Variants in SLFN5 observed in about 807,000 individuals in gnomAD.
SLFN5 encodes schlafen family member 5.
Under a neutral mutation model 48.5 loss-of-function variants are expected in SLFN5, and 34 were observed. The observed-to-expected ratio is 0.70, with a 90% CI of 0.53 to 0.93. The LOEUF (loss-of-function observed/expected upper bound fraction) is 0.93, where lower values mean the gene tolerates loss of function less well. Among genes scored for constraint, SLFN5 ranks in the 40% least tolerant of loss-of-function variants. The probability of loss-of-function intolerance (pLI) is 0.00; values close to 1 mark genes in which losing one functional copy is unlikely to be tolerated. For synonymous variants in SLFN5, 387 were observed against 396.2 expected (o/e 0.98, Z 0.28); for missense variants, 1,006 against 1,071.3 (o/e 0.94, Z 0.85).
At chr17:35,264,049 CTTTT>C (rs755437898) in intron 3 of SLFN5, 130 bp from the exon 4 acceptor site, 132 of 1,098,056 alleles carry the variant, frequency 1.2e-4, no homozygotes, top group Non-Finnish European at 1.6e-4. Flanking sequence ...AATTGTTTAT[CTTTT>C]TATTACTAAT....
At chr17:35,260,883 G>C in intron 2 of SLFN5, 88 bp from the exon 3 acceptor site, 1 of 1,510,714 alleles carries the variant, frequency 6.6e-7, no homozygotes, top group Non-Finnish European at 8.9e-7. Context: ...TGAGTTGTAA[G>C]ACTAGGTGAA....
chr17:35,259,950 C>T, intron 2 of SLFN5: 1 of 479,598 alleles, frequency 2.1e-6, no homozygotes, highest in Non-Finnish European at 3.7e-6. Flanking sequence ...AAGGCTGGTG[C>T]AGGGGGCTGT....
intron 1 of SLFN5, among the ~76,000 whole-genome samples, chr17:35,249,646 G>A (rs1214828083): frequency 1.3e-5 from 2 of 152,114 alleles, no homozygotes. Flanking sequence ...TGTAGCCCTT[G>A]GTCCCTGACT....
chr17:35,263,548 T>A (rs569130618), intron 3 of SLFN5, among the ~76,000 whole-genome samples: 1 of 152,072 alleles, frequency 6.6e-6, no homozygotes, highest in South Asian at 2.1e-4. Context: ...CAGGGCTGGG[T>A]GCGGTGACGC....
intron 1 of SLFN5, among the ~76,000 whole-genome samples, chr17:35,254,047 A>G (rs1410789903): frequency 1.3e-5 from 2 of 152,056 alleles, no homozygotes; most frequent in South Asian, 2.1e-4. Context: ...CAATACAACT[A>G]TATCTTATAT....
In SLFN5 at chr17:35,264,231, T is replaced by C; in HGVS notation, c.1187T>C (p.Leu396Pro). The C allele has an allele frequency of 6.2e-7, 1 of 1,613,842 alleles. No homozygotes were observed. The highest frequency in any genetic ancestry group is 8.5e-7 in the Non-Finnish European group (1 of 1,179,952). ...VYTPESLYKE[L>P]FSQHKGLRDL... The stretch of plus-strand genomic sequence containing the variant: ...ACTCCAGAAAGCCTCTACAAGGAAC[T>C]CTTCTCACAACATAAAGGACTCAGA... The change falls in exon 4 of 5, where the codon CTC becomes CCC. Residue 396 changes from leucine to proline, a missense_variant. Physicochemically the swap from Leu to Pro is moderately conservative, Grantham distance 98. Coordinates refer to ENST00000299977, the MANE Select transcript of SLFN5 (RefSeq NM_144975.4).
intron 1 of SLFN5, among the ~76,000 whole-genome samples, chr17:35,247,867 A>G (rs1006157182): frequency 6.6e-6 from 1 of 152,238 alleles, no homozygotes; most frequent in Admixed American, 6.5e-5. Context: ...GTGGGTCACC[A>G]ATAAAACCAG....
intron 1 of SLFN5, among the ~76,000 whole-genome samples, chr17:35,247,087 A>G (rs943116429): frequency 2.6e-5 from 4 of 152,168 alleles, no homozygotes; most frequent in Non-Finnish European, 5.9e-5. Flanking sequence ...GTTGACTGGT[A>G]GTGGTCAGGA....
At chr17:35,246,530 T>G (rs1273038196) in intron 1 of SLFN5, among the ~76,000 whole-genome samples, 1 of 152,166 alleles carries the variant, frequency 6.6e-6, no homozygotes, top group Non-Finnish European at 1.5e-5. Context: ...GGAGAAGTTC[T>G]TAAAGTCCAA....
In SLFN5 at chr17:35,266,180, G is replaced by GCGCA. The variant is rs1555592886; in HGVS notation, c.*295_*296insACGC. 3.7e-4 allele frequency: 100 copies of GCGCA among 268,628 alleles called. 1 individual carries two copies. Among genetic ancestry groups the GCGCA allele is most frequent in the African/African-American group, 1.9e-3 (84 of 44,952 alleles). 16.6% of individuals were successfully genotyped at this position (268,628 alleles called of 1,614,324 possible). On this transcript the variant is annotated 3_prime_UTR_variant, in exon 5 of 5. Transcript: ENST00000299977. ...TGTGTGTGTGTGTGTGTGTGTGTGC[G>GCGCA]CGCGCGCACGTGCACATGTGTGTAG...
chr17:35,262,412 A>G (rs1222181948), intron 3 of SLFN5, among the ~76,000 whole-genome samples: 1 of 151,980 alleles, frequency 6.6e-6, no homozygotes, highest in Non-Finnish European at 1.5e-5. Flanking sequence ...GAAAAGAAAA[A>G]AAAATTCCAA....
At position 35,271,174 on chromosome 17, in the gene SLFN5, A is replaced by G. The variant is rs190580648; in HGVS notation, c.*5286A>G. 4 of 152,340 alleles carry G rather than the reference A, an allele frequency of 2.6e-5. No homozygotes were observed. The highest frequency in any genetic ancestry group is 9.6e-5 in the African/African-American group (4 of 41,590). The allele number at this position is 152,340 out of a possible 1,614,324, so 9.4% of individuals were successfully genotyped here. On this transcript the variant is annotated 3_prime_UTR_variant, in exon 5 of 5. Transcript: ENST00000299977. Reference sequence around the variant, plus strand: ...AAATAAATAGATTTTCTGACTTGGAACAAGTAGGAATAATGTACTTATAGT... The same window carrying G: ...AAATAAATAGATTTTCTGACTTGGAGCAAGTAGGAATAATGTACTTATAGT...
In SLFN5 at chr17:35,264,834, A is replaced by G; in HGVS notation, c.1790A>G (p.Asn597Ser). Residue 597 changes from asparagine (N) to serine (S), a missense_variant, in exon 4 of 5, where the codon AAT becomes AGT. Asn to Ser is a conservative substitution (Grantham distance 46). Coordinates refer to ENST00000299977, the MANE Select transcript of SLFN5 (RefSeq NM_144975.4). ...LALRIMEKIR[N>S]VFHCEPANIL... ...CTTAGGATCATGGAGAAGATCAGGAATGTGTTTCACTGTGAACCGGCTAAC... is the reference window on the plus strand; with the variant it reads ...CTTAGGATCATGGAGAAGATCAGGAGTGTGTTTCACTGTGAACCGGCTAAC... 1 of 1,595,328 alleles carries G rather than the reference A, an allele frequency of 6.3e-7. No individual in the cohort carries two copies. The highest frequency in any genetic ancestry group is 8.5e-7 in the Non-Finnish European group (1 of 1,173,164).
At position 35,266,654 on chromosome 17, in the gene SLFN5, G is replaced by C. The variant is rs544105231; in HGVS notation, c.*766G>C. On this transcript the variant is annotated 3_prime_UTR_variant, in exon 5 of 5. Coordinates refer to ENST00000299977, the MANE Select transcript of SLFN5 (RefSeq NM_144975.4). Reference sequence around the variant, plus strand: ...TAAGACTGCCACAGTCCCCCAGGGAGGCACACTGTGTTTTACTGATTGATT... The same window carrying C: ...TAAGACTGCCACAGTCCCCCAGGGACGCACACTGTGTTTTACTGATTGATT... The C allele has an allele frequency of 6.6e-6, 1 of 152,262 alleles. No homozygotes were observed. Among genetic ancestry groups the C allele is most frequent in the South Asian group, 2.1e-4 (1 of 4,824 alleles). 9.4% of individuals were successfully genotyped at this position (152,262 alleles called of 1,614,324 possible). A position where few individuals can be genotyped will look rare whatever the true frequency, so the allele number is the denominator to read the frequency against.
At chr17:35,253,357 G>A (rs1185263521) in intron 1 of SLFN5, among the ~76,000 whole-genome samples, 3 of 84,244 alleles carry the variant, frequency 3.6e-5, no homozygotes, top group Non-Finnish European at 8.6e-5. Context: ...TGACTGTATA[G>A]CACTCTCTCT....
In SLFN5 at chr17:35,271,148, A is replaced by C. The variant is rs903333435; in HGVS notation, c.*5260A>C. 1.1e-4 allele frequency: 16 copies of C among 152,236 alleles called. No homozygotes were observed. Among genetic ancestry groups the C allele is most frequent in the Admixed American group, 2.0e-4 (3 of 15,286 alleles). The allele number at this position is 152,236 out of a possible 1,614,324, so 9.4% of individuals were successfully genotyped here. On this transcript the variant is annotated 3_prime_UTR_variant, in exon 5 of 5. Transcript: ENST00000299977. ...CAAACTATCATTCAGAGTCGAGGGC[A>C]AAATAAATAGATTTTCTGACTTGGA...
intron 1 of SLFN5, among the ~76,000 whole-genome samples, chr17:35,246,712 AGGCGTGGTGGTG>A (rs1000880398): frequency 6.6e-6 from 1 of 152,020 alleles, no homozygotes; most frequent in African/African-American, 2.4e-5. Flanking sequence ...AAATTTACCC[AGGCGTGGTGGTG>A]GGCACCTGTA....
At chr17:35,250,374 AG>A (rs1477400103) in intron 1 of SLFN5, among the ~76,000 whole-genome samples, 2 of 152,208 alleles carry the variant, frequency 1.3e-5, no homozygotes, top group East Asian at 3.8e-4. Context: ...AAGAGTTAAA[AG>A]ATGGCTGGGC....
In SLFN5 at chr17:35,272,178, G is replaced by A. The variant is rs1478693729; in HGVS notation, c.*6290G>A. Reference sequence around the variant, plus strand: ...TAAAACAATGTGGTGCTGATATGTGGAGGGTCAATGGAACAAGATGAAATG... The same window carrying A: ...TAAAACAATGTGGTGCTGATATGTGAAGGGTCAATGGAACAAGATGAAATG... On this transcript the variant is annotated 3_prime_UTR_variant, in exon 5 of 5. Coordinates refer to ENST00000299977, the MANE Select transcript of SLFN5 (RefSeq NM_144975.4). The A allele has an allele frequency of 2.0e-5, 3 of 152,142 alleles. No individual in the cohort carries two copies. Among genetic ancestry groups the A allele is most frequent in the African/African-American group, 7.2e-5 (3 of 41,430 alleles). The allele number at this position is 152,142 out of a possible 1,614,324, so 9.4% of individuals were successfully genotyped here. A position where few individuals can be genotyped will look rare whatever the true frequency, so the allele number is the denominator to read the frequency against.
Sources: gnomAD v4.1 joint callset for allele counts (sites outside exome capture counted in the v4.1 genomes callset) on GRCh38, gnomAD v4.1.1 for gene constraint, MANE v1.5 for transcripts, NCBI Gene and HGNC (gene_info 2026-07-23, HGNC 2026-07-21) for gene names.